SIN3B: variants seen among roughly 807,000 people sequenced by gnomAD.
The protein encoded by SIN3B is SIN3 transcription regulator family member B.
SIN3B carries 19 observed loss-of-function variants against 120.2 expected under a neutral mutation model. The ratio of observed to expected loss-of-function variants is 0.16; its 90% confidence interval spans 0.11 to 0.23. The LOEUF is 0.23. SIN3B is among the 10% of genes least tolerant of loss of function. The pLI, the probability that SIN3B is intolerant of heterozygous loss-of-function variation, is 1.00. For missense variants in SIN3B, 1,073 were observed against 1,573.0 expected (o/e 0.68, Z 5.38); for synonymous variants, 654 against 653.2 (o/e 1.00, Z -0.02).
chr19:16,845,826 A>G (rs574648200), intron 4 of SIN3B, among the ~76,000 whole-genome samples: 2 of 152,352 alleles, frequency 1.3e-5, no homozygotes, highest in African/African-American at 2.4e-5. Flanking sequence ...GGCTCAAGCA[A>G]TCCTCTTGCC....
chr19:16,878,216 C>G lies in SIN3B; in HGVS notation c.2988C>G (p.Ser996Arg). 6.3e-7 allele frequency: 1 copy of G among 1,588,294 alleles called. No individual in the cohort carries two copies. Among genetic ancestry groups the G allele is most frequent in the Non-Finnish European group, 8.6e-7 (1 of 1,165,442 alleles). Residue 996 changes from serine to arginine, a missense_variant, in exon 18 of 19, where the codon AGC (serine) becomes AGG (arginine). By Grantham distance (110) the Ser-to-Arg change is moderately radical. Around this residue, in one of 7 missense-constraint regions of SIN3B, gnomAD observed 311 missense variants for 400.3 expected, o/e 0.78. Coordinates refer to ENST00000248054, the MANE Select transcript of SIN3B (RefSeq NM_001297595.2). ...AGAAGTTCCGCCGCCGGTGGCAGAG[C>G]GAGCAGGCGCGGGCCCTGCGCGGTG... Reference protein sequence around the residue: ...NLKKFRRRWQSEQARALRGEA... With the variant: ...NLKKFRRRWQREQARALRGEA...
At position 16,862,833 on chromosome 19, in the gene SIN3B, C is replaced by A; in HGVS notation, c.1266+274C>A. On this transcript the variant is annotated intron_variant, in intron 9 of 18. Transcript: ENST00000248054. This position sits in a 1 kb window ranked among gnomAD's most constrained non-coding sequence, Gnocchi z 4.7. ...TTATTTGACTTAGGTTTATTGCTGC[C>A]ATGATTCTGCTCTGTCCCGGGCTCA... 7.2e-7 allele frequency: 1 copy of A among 1,387,682 alleles called. No homozygotes were observed. Among genetic ancestry groups the A allele is most frequent in the Non-Finnish European group, 1.0e-6 (1 of 975,664 alleles). The allele number at this position is 1,387,682 out of a possible 1,614,324, so 86.0% of individuals were successfully genotyped here. A position where few individuals can be genotyped will look rare whatever the true frequency, so the allele number is the denominator to read the frequency against.
chr19:16,847,225 G>A, intron 5 of SIN3B, 112 bp downstream of exon 5: 2 of 1,215,906 alleles, frequency 1.6e-6, no homozygotes, highest in Non-Finnish European at 2.3e-6. Flanking sequence ...GCCACACTAG[G>A]GTCCCCCAGA....
chr19:16,861,238 T>C (rs1971683626), intron 8 of SIN3B, among the ~76,000 whole-genome samples: 1 of 152,156 alleles, frequency 6.6e-6, no homozygotes, highest in Non-Finnish European at 1.5e-5. Context: ...AGGGGCCAGA[T>C]GGGCTTTGTG....
At chr19:16,835,475 C>A (rs1282800053) in intron 3 of SIN3B, among the ~76,000 whole-genome samples, 1 of 148,908 alleles carries the variant, frequency 6.7e-6, no homozygotes, top group African/African-American at 2.5e-5. Flanking sequence ...ATGATCTGCC[C>A]ACCTCGGCCT....
chr19:16,876,573 G>A lies in SIN3B; in HGVS notation c.2854G>A (p.Val952Ile), dbSNP rs1254811155. The A allele has an allele frequency of 3.7e-6, 6 of 1,612,634 alleles. No homozygotes were observed. Among genetic ancestry groups the A allele is most frequent in the South Asian group, 2.2e-5 (2 of 91,048 alleles). The change falls in exon 16 of 19, where the codon GTC becomes ATC. Residue 952 changes from valine to isoleucine, a missense_variant. Transcript: ENST00000248054. This position sits in a 1 kb window ranked among gnomAD's most constrained non-coding sequence, Gnocchi z 7.1. ...GGCCCAGACGGAGGACCCTGTGGAG[G>A]TCCAGGTGAGGCCCTGGCCCCAGTC... is the stretch of plus-strand genomic sequence containing the variant. ...EEAQTEDPVE[V>I]QHLARYVEQY...
intron 3 of SIN3B, among the ~76,000 whole-genome samples, chr19:16,835,871 A>G (rs749808352): frequency 6.6e-6 from 1 of 152,042 alleles, no homozygotes; most frequent in African/African-American, 2.4e-5. Context: ...TCCAGGCTGG[A>G]CTCAAGTGAT....
chr19:16,878,479 A>C lies in SIN3B; in HGVS notation c.3163-18A>C. ...GGGTCCAGCCCTCAGCTGCCCTGACACCCGGCCTCTTCAACAGGTGCAGCC... is the reference window on the plus strand; with the variant it reads ...GGGTCCAGCCCTCAGCTGCCCTGACCCCCGGCCTCTTCAACAGGTGCAGCC... On this transcript the variant is annotated intron_variant, in intron 18 of 18. Coordinates refer to ENST00000248054, the MANE Select transcript of SIN3B (RefSeq NM_001297595.2). 6.4e-7 allele frequency: 1 copy of C among 1,562,146 alleles called. No individual in the cohort carries two copies. Among genetic ancestry groups the C allele is most frequent in the Non-Finnish European group, 8.7e-7 (1 of 1,153,272 alleles).
chr19:16,845,261 C>T (rs1385791866), intron 4 of SIN3B, among the ~76,000 whole-genome samples: 3 of 152,058 alleles, frequency 2.0e-5, no homozygotes, highest in Non-Finnish European at 4.4e-5. Flanking sequence ...GTCTTTCTGC[C>T]TTCCGTGTTT....
intron 14 of SIN3B, among the ~76,000 whole-genome samples, chr19:16,875,181 TTGGTCTGGTC>T (rs371846558): frequency 1.4e-5 from 2 of 142,714 alleles, no homozygotes; most frequent in Non-Finnish European, 3.0e-5. Context: ...TCTGGTCTGT[TTGGTCTGGTC>T]TGGTCTGGTC....
At chr19:16,844,764 C>T (rs184910160) in intron 4 of SIN3B, among the ~76,000 whole-genome samples, 77 of 152,302 alleles carry the variant, frequency 5.1e-4, no homozygotes, top group African/African-American at 1.8e-3. Flanking sequence ...ACATGAATGC[C>T]ACAGCAAATC....
chr19:16,872,436 T>A (rs1486457064), intron 14 of SIN3B: 1 of 150,756 alleles, frequency 6.6e-6, no homozygotes, highest in African/African-American at 2.4e-5. Context: ...TGATTTCTTT[T>A]TCTTCTTCTT....
chr19:16,838,980 T>TA (rs1021096559), intron 3 of SIN3B, among the ~76,000 whole-genome samples: 10 of 150,212 alleles, frequency 6.7e-5, no homozygotes, highest in Non-Finnish European at 1.2e-4. Context: ...CTTTTTTTTT[T>TA]TTTTTTTTTT....
chr19:16,851,374 C>T (rs372627239), intron 5 of SIN3B, 38 bp from the exon 6 acceptor site: 42 of 1,540,224 alleles, frequency 2.7e-5, no homozygotes, highest in African/African-American at 1.4e-4. Flanking sequence ...GGTCCAGCCA[C>T]GTCTCCGGTG....
At chr19:16,842,368 G>A (rs1026662470) in intron 4 of SIN3B, among the ~76,000 whole-genome samples, 1 of 150,426 alleles carries the variant, frequency 6.6e-6, no homozygotes, top group African/African-American at 2.5e-5. Flanking sequence ...CTCCCAAAGT[G>A]CTGGGATTAC....
intron 8 of SIN3B, among the ~76,000 whole-genome samples, chr19:16,861,292 C>T (rs917765713): frequency 6.6e-6 from 1 of 152,132 alleles, no homozygotes; most frequent in Non-Finnish European, 1.5e-5. Flanking sequence ...ACAGGCAGTG[C>T]GTACACAAGT....
At chr19:16,834,337 T>C (rs368800594) in intron 3 of SIN3B, among the ~76,000 whole-genome samples, 56 of 152,262 alleles carry the variant, frequency 3.7e-4, no homozygotes, top group African/African-American at 1.3e-3. Flanking sequence ...CATGTGGAAA[T>C]TGCCTTTCAG....
intron 8 of SIN3B, among the ~76,000 whole-genome samples, chr19:16,855,929 C>T (rs1971609324): frequency 6.6e-6 from 1 of 151,890 alleles, no homozygotes; most frequent in African/African-American, 2.4e-5. Context: ...TGGTGGCACA[C>T]GCCTGTTGTC....
chr19:16,846,119 G>GT (rs534496900), intron 4 of SIN3B, among the ~76,000 whole-genome samples: 69 of 152,326 alleles, frequency 4.5e-4, no homozygotes, highest in African/African-American at 1.3e-3. Context: ...TGTTCTGTCC[G>GT]TATGCAGATA....
Sources: allele counts gnomAD v4.1 joint callset (sites outside exome capture counted in the v4.1 genomes callset), GRCh38; gene constraint gnomAD v4.1.1; regional missense constraint gnomAD v4.1.1; non-coding constraint Gnocchi (gnomAD v3.1); transcripts MANE v1.5; gene names NCBI Gene and HGNC (gene_info 2026-07-23, HGNC 2026-07-21).